The following DMRT1 variants were observed in gnomAD, a reference collection of about 807,000 sequenced individuals.
DMRT1 encodes doublesex- and mab-3-related transcription factor 1.
A neutral mutation model predicts 32.3 loss-of-function variants in DMRT1; 7 were observed. That is an observed-to-expected ratio of 0.22 (90% confidence interval 0.12 to 0.41). The LOEUF is 0.41. Among genes scored for constraint, DMRT1 ranks in the 10% least tolerant of loss-of-function variants. The pLI is 1.00. For missense variants in DMRT1, 625 were observed against 500.5 expected (o/e 1.25, Z -2.37); for synonymous variants, 278 against 206.1 (o/e 1.35, Z -2.99).
intron 4 of DMRT1, among the ~76,000 whole-genome samples, chr9:941,579 A>G (rs117517484): frequency 6.6e-6 from 1 of 152,262 alleles, no homozygotes; most frequent in East Asian, 1.9e-4. Flanking sequence ...ATAGAGTTAC[A>G]GTTTGAGAAC....
intron 4 of DMRT1, among the ~76,000 whole-genome samples, chr9:948,782 G>A (rs982714956): frequency 6.6e-6 from 1 of 151,920 alleles, no homozygotes; most frequent in Non-Finnish European, 1.5e-5. Context: ...ACAGGCTGGC[G>A]CGGTAGCTTA....
chr9:930,122 T>G (rs1818661569), intron 4 of DMRT1, among the ~76,000 whole-genome samples: 1 of 152,202 alleles, frequency 6.6e-6, no homozygotes. Flanking sequence ...AGTCAAATTC[T>G]TGATAAATGC....
intron 4 of DMRT1, among the ~76,000 whole-genome samples, chr9:927,784 A>G (rs892106025): frequency 1.3e-5 from 2 of 152,188 alleles, no homozygotes; most frequent in South Asian, 4.1e-4. Context: ...TTTGGGGGGA[A>G]CTAGAGTAGA....
intron 1 of DMRT1, among the ~76,000 whole-genome samples, chr9:845,848 C>G (rs1158872324): frequency 6.6e-6 from 1 of 152,198 alleles, no homozygotes; most frequent in African/African-American, 2.4e-5. Flanking sequence ...CTGTCCAAGT[C>G]CTCCTCATCC....
intron 4 of DMRT1, among the ~76,000 whole-genome samples, chr9:925,170 T>G (rs1254557179): frequency 2.0e-5 from 3 of 152,236 alleles, no homozygotes; most frequent in African/African-American, 7.2e-5. Context: ...CTCCTCCAGG[T>G]GCCTGGCATC....
chr9:926,498 C>T (rs960196320), intron 4 of DMRT1, among the ~76,000 whole-genome samples: 1 of 152,112 alleles, frequency 6.6e-6, no homozygotes, highest in African/African-American at 2.4e-5. Context: ...GACTAAGAGG[C>T]CTGGCAGTTT....
At chr9:892,551 C>T (rs770320316) in intron 2 of DMRT1, among the ~76,000 whole-genome samples, 3 of 152,176 alleles carry the variant, frequency 2.0e-5, no homozygotes, top group Non-Finnish European at 2.9e-5. Context: ...ACAGGCTCCT[C>T]TCTTACATTT....
intron 2 of DMRT1, among the ~76,000 whole-genome samples, chr9:871,767 C>T (rs764659491): frequency 9.3e-5 from 14 of 151,272 alleles, no homozygotes; most frequent in Admixed American, 2.6e-4. Flanking sequence ...AGCAACCGTG[C>T]CTGGCCGGCC....
At chr9:861,805 CG>C (rs57064577) in intron 2 of DMRT1, among the ~76,000 whole-genome samples, 120,233 of 143,572 alleles carry the variant, frequency 0.84, 50,239 homozygotes, top group Middle Eastern at 0.91. Context: ...GGCTGCCGGG[CG>C]GGGGGGGGCT....
intron 2 of DMRT1, among the ~76,000 whole-genome samples, chr9:854,078 T>C (rs934836891): frequency 6.6e-6 from 1 of 151,422 alleles, no homozygotes; most frequent in African/African-American, 2.4e-5. Context: ...CCCAAAGTGC[T>C]GGGATTACAG....
At position 863,835 on chromosome 9, in the gene DMRT1, C is replaced by G. The variant is rs149085115; in HGVS notation, c.538+16692C>G. On this transcript the variant is annotated intron_variant, in intron 2 of 4. Coordinates refer to ENST00000382276, the MANE Select transcript of DMRT1 (RefSeq NM_021951.3). ...GAACATCGTTCCGTATGTTTAAAGGCCATTTGTATTTTATTCTCTGAACCA... is the reference window on the plus strand; with the variant it reads ...GAACATCGTTCCGTATGTTTAAAGGGCATTTGTATTTTATTCTCTGAACCA... Among the ~76,000 whole-genome samples, 373 of 152,266 alleles carry G rather than the reference C, an allele frequency of 2.4e-3. 1 individual carries two copies. Among genetic ancestry groups the G allele is most frequent in the African/African-American group, 8.2e-3 (339 of 41,540 alleles).
intron 2 of DMRT1, among the ~76,000 whole-genome samples, chr9:858,831 G>A (rs866953869): frequency 1.3e-4 from 19 of 141,268 alleles, no homozygotes; most frequent in Middle Eastern, 3.6e-3. Context: ...CTGAGATCGC[G>A]CCATTGCACT....
chr9:895,419 G>C (rs953241193), intron 3 of DMRT1, among the ~76,000 whole-genome samples: 1 of 152,160 alleles, frequency 6.6e-6, no homozygotes, highest in Non-Finnish European at 1.5e-5. Flanking sequence ...TCTCATTCTG[G>C]ATGCATTTGC....
chr9:921,597 T>C (rs7045606), intron 4 of DMRT1, among the ~76,000 whole-genome samples: 120,670 of 152,146 alleles, frequency 0.79, 47,987 homozygotes, highest in South Asian at 0.9. Context: ...CATCGTTTTA[T>C]ATTCTTACCA....
intron 4 of DMRT1, among the ~76,000 whole-genome samples, chr9:924,740 A>G (rs1818466421): frequency 6.6e-6 from 1 of 152,222 alleles, no homozygotes; most frequent in Non-Finnish European, 1.5e-5. Flanking sequence ...TTTTTAATAT[A>G]TTACACTTAT....
At chr9:896,135 CTTTT>C (rs897430765) in intron 3 of DMRT1, among the ~76,000 whole-genome samples, 1 of 146,368 alleles carries the variant, frequency 6.8e-6, no homozygotes, top group African/African-American at 2.5e-5. Context: ...TGCCCAACAT[CTTTT>C]TTTTTTTCCA....
chr9:925,126 A>T (rs957550697), intron 4 of DMRT1, among the ~76,000 whole-genome samples: 2 of 152,212 alleles, frequency 1.3e-5, no homozygotes, highest in African/African-American at 2.4e-5. Flanking sequence ...AAGAATTACC[A>T]GGGTGTGTGC....
intron 4 of DMRT1, among the ~76,000 whole-genome samples, chr9:959,595 C>G (rs545679434): frequency 6.6e-6 from 1 of 152,308 alleles, no homozygotes; most frequent in East Asian, 1.9e-4. Context: ...GTGGCACTAT[C>G]TTGGCTCACT....
At chr9:887,060 G>C (rs1406999780) in intron 2 of DMRT1, among the ~76,000 whole-genome samples, 1 of 152,174 alleles carries the variant, frequency 6.6e-6, no homozygotes, top group Non-Finnish European at 1.5e-5. Context: ...GCGTGGTGGC[G>C]GGAGCCTATA....
Sources: gnomAD v4.1 joint callset for allele counts (sites outside exome capture counted in the v4.1 genomes callset) on GRCh38, gnomAD v4.1.1 for gene constraint, MANE v1.5 for transcripts, NCBI Gene and HGNC (gene_info 2026-07-23, HGNC 2026-07-21) for gene names.